ADRA1A: variants seen among roughly 807,000 people sequenced by gnomAD.
The protein encoded by ADRA1A is alpha-1A adrenergic receptor.
Under a neutral mutation model 29.6 loss-of-function variants are expected in ADRA1A, and 31 were observed. The observed-to-expected ratio is 1.05, with a 90% CI of 0.79 to 1.41. The LOEUF (loss-of-function observed/expected upper bound fraction) is 1.41, where lower values mean the gene tolerates loss of function less well. Ranked by LOEUF, ADRA1A falls within the 40% of genes most tolerant of loss-of-function variation. The pLI, the probability that ADRA1A is intolerant of heterozygous loss-of-function variation, is 0.00. For synonymous variants in ADRA1A, 311 were observed against 254.3 expected, an observed-to-expected ratio of 1.22 and a Z score of -2.12; for missense variants, 619 against 601.1, an observed-to-expected ratio of 1.03 and a Z score of -0.31.
chr8:26,786,150 G>T (rs1807362662), intron 2 of ADRA1A, among the ~76,000 whole-genome samples: 1 of 152,158 alleles, frequency 6.6e-6, no homozygotes, highest in African/African-American at 2.4e-5. Flanking sequence ...CATATGATCT[G>T]CTCTTGCCTT....
In ADRA1A at chr8:26,815,210, A is replaced by G. The variant is rs11777551; in HGVS notation, c.884-44544T>C. On this transcript the variant is annotated intron_variant, in intron 2 of 2. Transcript: ENST00000380573. The surrounding 1 kb of genome is among the most constrained non-coding windows in gnomAD (Gnocchi z 4.2). ...AACTATAATAGGATAACAGTCTTAA[A>G]TAGATACTTGAAATCACATGCAGAT... 0.24 allele frequency among the ~76,000 whole-genome samples: 36,233 copies of G among 152,164 alleles called. 5,060 individuals are homozygous for G. The highest frequency in any genetic ancestry group is 0.42 in the South Asian group (2,037 of 4,818).
In ADRA1A at chr8:26,792,860, T is replaced by A. The variant is rs144403791; in HGVS notation, c.884-22194A>T. On this transcript the variant is annotated intron_variant, in intron 2 of 2. Coordinates refer to ENST00000380573, the MANE Select transcript of ADRA1A (RefSeq NM_000680.4). ...ACCCTTTCATGAGTAAAATTAAGTA[T>A]GAACATGTTCAAATATGTGAATTAC... Among the ~76,000 whole-genome samples, 513 of 150,808 alleles carry A rather than the reference T, an allele frequency of 3.4e-3. 3 individuals are homozygous for A. Among genetic ancestry groups the A allele is most frequent in the African/African-American group, 0.012 (496 of 40,896 alleles).
intron 2 of ADRA1A, among the ~76,000 whole-genome samples, chr8:26,818,099 C>A (rs1392093312): frequency 1.3e-5 from 2 of 152,154 alleles, no homozygotes; most frequent in Admixed American, 6.5e-5. Context: ...CTGTATGACT[C>A]CATTTATATG....
chr8:26,750,467 G>A (rs527757425), intron 2 of ADRA1A, among the ~76,000 whole-genome samples: 7 of 152,140 alleles, frequency 4.6e-5, no homozygotes, highest in Admixed American at 1.3e-4. Context: ...CTCCGAACGT[G>A]CTGGGATTAC....
intron 2 of ADRA1A, among the ~76,000 whole-genome samples, chr8:26,785,023 A>C (rs1388939137): frequency 6.6e-6 from 1 of 152,182 alleles, no homozygotes; most frequent in East Asian, 1.9e-4. Flanking sequence ...TTAAATCCTG[A>C]AATTTTACAA....
chr8:26,826,486 AC>A (rs1810579647), intron 2 of ADRA1A, among the ~76,000 whole-genome samples: 1 of 152,256 alleles, frequency 6.6e-6, no homozygotes, highest in African/African-American at 2.4e-5. Context: ...TATAAAGATG[AC>A]TACATTGTAT....
At chr8:26,839,316 G>A (rs34392042) in intron 2 of ADRA1A, among the ~76,000 whole-genome samples, 4,730 of 152,086 alleles carry the variant, frequency 0.031, 97 homozygotes, top group African/African-American at 0.042. Flanking sequence ...CTGCCACAAC[G>A]CCCAGCTCAT....
rs183742619 is a variant in ADRA1A at position 26,844,651 on chromosome 8, A to G, written c.883+19436T>C. On this transcript the variant is annotated intron_variant, in intron 2 of 2. Transcript: ENST00000380573. ...GGAGAAAGAATAATTTCTTCAATAG[A>G]TGATGCTTGGACAATTGGATTTCTA... 9.1e-4 allele frequency among the ~76,000 whole-genome samples: 139 copies of G among 152,312 alleles called. 1 individual carries two copies. The East Asian group carries it at 0.01, about 11-fold the overall frequency.
rs184482302 is a variant in ADRA1A, at chr8:26,780,435, C to T, written c.884-9769G>A. Among the ~76,000 whole-genome samples the T allele has an allele frequency of 5.5e-3, 833 of 152,270 alleles. 7 individuals are homozygous for T. Among genetic ancestry groups the T allele is most frequent in the Non-Finnish European group, 9.2e-3 (625 of 68,008 alleles). ...CCTCAGCTCCTGTGGCTGTTTTCTG[C>T]TGCACTCTTCTGCTCTTCACTCAGT... is the stretch of plus-strand genomic sequence containing the variant. On this transcript the variant is annotated intron_variant, in intron 2 of 2. Coordinates refer to ENST00000380573, the MANE Select transcript of ADRA1A (RefSeq NM_000680.4).
chr8:26,811,283 T>C (rs1175912144), intron 2 of ADRA1A, among the ~76,000 whole-genome samples: 1 of 151,958 alleles, frequency 6.6e-6, no homozygotes, highest in Non-Finnish European at 1.5e-5. Context: ...AGCTCTGCCT[T>C]CCAGGCTCAC....
intron 2 of ADRA1A, among the ~76,000 whole-genome samples, chr8:26,785,348 A>G (rs1250502315): frequency 6.6e-6 from 1 of 152,186 alleles, no homozygotes; most frequent in African/African-American, 2.4e-5. Context: ...TGTTGAAGCC[A>G]TTTATAATCA....
intron 2 of ADRA1A, among the ~76,000 whole-genome samples, chr8:26,855,413 T>TAA (rs80130885): frequency 3.1e-4 from 43 of 139,160 alleles, no homozygotes; most frequent in Admixed American, 7.2e-4. Context: ...AGCTTACCGA[T>TAA]AAAAAAAAAA....
intron 2 of ADRA1A, among the ~76,000 whole-genome samples, chr8:26,778,731 G>A (rs2130337637): frequency 6.9e-6 from 1 of 145,670 alleles, no homozygotes; most frequent in Non-Finnish European, 1.5e-5. Flanking sequence ...ACTCATAAGT[G>A]GGAATTGAAC....
intron 2 of ADRA1A, chr8:26,779,227 C>T (rs1806773342): frequency 1.5e-6 from 1 of 685,846 alleles, no homozygotes; most frequent in South Asian, 1.6e-5. Context: ...CAGTTCCTGC[C>T]AGAAGAATAT....
At chr8:26,818,014 G>A (rs1563276933) in intron 2 of ADRA1A, among the ~76,000 whole-genome samples, 1 of 152,198 alleles carries the variant, frequency 6.6e-6, no homozygotes, top group African/African-American at 2.4e-5. Context: ...GCAACAGGAA[G>A]GAACATCCCA....
intron 2 of ADRA1A, among the ~76,000 whole-genome samples, chr8:26,836,476 A>C (rs1306654256): frequency 6.6e-6 from 1 of 152,214 alleles, no homozygotes; most frequent in South Asian, 2.1e-4. Context: ...AACCCACCAA[A>C]CTGAACAATG....
chr8:26,775,577 A>G lies in ADRA1A; in HGVS notation c.884-4911T>C, dbSNP rs1035922401. Among the ~76,000 whole-genome samples, 1 of 152,166 alleles carries G rather than the reference A, an allele frequency of 6.6e-6. No individual in the cohort carries two copies. On this transcript the variant is annotated intron_variant, in intron 2 of 2. Coordinates refer to ENST00000380573, the MANE Select transcript of ADRA1A (RefSeq NM_000680.4). The surrounding 1 kb of genome is among the most constrained non-coding windows in gnomAD (Gnocchi z 4.1). ...AACAATCTCTGCTTCAAGAAGAGCC[A>G]ACAGCTCCTGACTTAATCCCCTGAA...
intron 2 of ADRA1A, among the ~76,000 whole-genome samples, chr8:26,782,617 T>G (rs985120606): frequency 1.3e-5 from 2 of 152,180 alleles, no homozygotes; most frequent in Admixed American, 6.5e-5. Flanking sequence ...TTCTGCATTC[T>G]CATCTGAGAA....
At chr8:26,762,676 A>G (rs574354334), downstream of ADRA1A, among the ~76,000 whole-genome samples, 4 of 152,308 alleles carry the variant, frequency 2.6e-5, no homozygotes, top group African/African-American at 7.2e-5. This position sits in a 1 kb window ranked among gnomAD's most constrained non-coding sequence, Gnocchi z 4.0. Flanking sequence ...GAAGGGAGGG[A>G]AAGCTGCCAT....
Sources: gnomAD v4.1 joint callset for allele counts (sites outside exome capture counted in the v4.1 genomes callset) on GRCh38, gnomAD v4.1.1 for gene constraint, Gnocchi (gnomAD v3.1) non-coding constraint, MANE v1.5 for transcripts, NCBI Gene and HGNC (gene_info 2026-07-23, HGNC 2026-07-21) for gene names.